The following TES variants were observed in gnomAD, a reference collection of about 807,000 sequenced individuals.
TES encodes testin.
In TES, 41 loss-of-function variants were observed where a neutral mutation model predicts 48.2. The ratio of observed to expected loss-of-function variants is 0.85; its 90% CI spans 0.66 to 1.10. TES has a LOEUF of 1.10. Among genes scored for constraint, TES ranks in the 50% least tolerant of loss-of-function variants. TES has a pLI of 0.00. For missense variants in TES, 463 were observed against 515.1 expected (o/e 0.90, Z 0.98); for synonymous variants, 162 against 174.9 (o/e 0.93, Z 0.58).
rs1451532688 is a variant in TES at position 116,251,778 on chromosome 7, CTG to C, written c.722_723del (p.Leu241GlnfsTer6). 1.2e-6 allele frequency: 2 copies of C among 1,613,914 alleles called. No individual in the cohort carries two copies. The highest frequency in any genetic ancestry group is 1.3e-5 in the African/African-American group (1 of 74,868). ...CTTTCAGTCCTGCTATTGCTGCAAACTGAGTATGAAAGAAGGTGACCCAGCCA... is the reference window on the plus strand; with the variant it reads ...CTTTCAGTCCTGCTATTGCTGCAAACAGTATGAAAGAAGGTGACCCAGCCA... ...RTQYSCYCCK[L>X]SMKEGDPAIY... On this transcript the variant is annotated frameshift_variant, in exon 5 of 7. Coordinates refer to ENST00000358204, the MANE Select transcript of TES (RefSeq NM_015641.4). LOFTEE classifies it high-confidence loss of function.
At chr7:116,221,348 G>T in intron 1 of TES, among the ~76,000 whole-genome samples, 1 of 152,238 alleles carries the variant, frequency 6.6e-6, no homozygotes, top group South Asian at 2.1e-4. Flanking sequence ...TTGTGGTCCC[G>T]TATAGGGAAT....
At chr7:116,234,910 G>T (rs994561298) in intron 2 of TES, among the ~76,000 whole-genome samples, 1 of 152,148 alleles carries the variant, frequency 6.6e-6, no homozygotes, top group Non-Finnish European at 1.5e-5. Flanking sequence ...TGGTAAATAA[G>T]TTTGTGGTAA....
intron 6 of TES, chr7:116,255,048 C>T (rs1295409506): frequency 6.7e-6 from 1 of 150,300 alleles, no homozygotes; most frequent in Non-Finnish European, 1.5e-5. Context: ...AAGTGCTCAA[C>T]TCCAAACAAC....
chr7:116,235,824 GTAAAT>G (rs781436109), intron 2 of TES, among the ~76,000 whole-genome samples: 8 of 152,180 alleles, frequency 5.3e-5, no homozygotes, highest in Non-Finnish European at 8.8e-5. Flanking sequence ...TGTGTACAGT[GTAAAT>G]TAAAGGAGAA....
At chr7:116,236,531 TA>T (rs1005046764) in intron 2 of TES, among the ~76,000 whole-genome samples, 1 of 152,048 alleles carries the variant, frequency 6.6e-6, no homozygotes, top group South Asian at 2.1e-4. Context: ...TTCCAAAATT[TA>T]AAAAAAATTT....
At chr7:116,216,025 T>C (rs958566062) in intron 1 of TES, among the ~76,000 whole-genome samples, 11 of 152,140 alleles carry the variant, frequency 7.2e-5, no homozygotes, top group African/African-American at 2.7e-4. Context: ...TTCATGAGGC[T>C]CTCATGGAGC....
At chr7:116,227,453 T>C (rs1253685543) in intron 1 of TES, among the ~76,000 whole-genome samples, 1 of 152,100 alleles carries the variant, frequency 6.6e-6, no homozygotes, top group Non-Finnish European at 1.5e-5. Flanking sequence ...GCAAATCTTG[T>C]TAGAGATTTG....
At chr7:116,213,567 T>C (rs1024158924) in intron 1 of TES, among the ~76,000 whole-genome samples, 1 of 152,210 alleles carries the variant, frequency 6.6e-6, no homozygotes, top group Non-Finnish European at 1.5e-5. Flanking sequence ...GGAAAGCTCG[T>C]CCACATCAGT....
chr7:116,240,973 C>T (rs1584622486), intron 2 of TES, among the ~76,000 whole-genome samples: 1 of 152,256 alleles, frequency 6.6e-6, no homozygotes, highest in South Asian at 2.1e-4. Context: ...CTCACCCATA[C>T]TCTGTTTGTG....
chr7:116,249,319 A>G (rs755989608), intron 3 of TES, 47 bp downstream of exon 3: 6 of 1,609,248 alleles, frequency 3.7e-6, no homozygotes, highest in Non-Finnish European at 5.1e-6. Context: ...TTCCTGGAGT[A>G]TTTATTTGGG....
intron 2 of TES, among the ~76,000 whole-genome samples, chr7:116,248,607 T>C (rs1799959603): frequency 6.6e-6 from 1 of 152,218 alleles, no homozygotes; most frequent in African/African-American, 2.4e-5. Flanking sequence ...TATCTGTTCA[T>C]GTCCTTTGCC....
rs555321840 is a variant in TES, at chr7:116,228,383, C to T, written c.28-6151C>T. ...AATCCAAAGGACCTGTTTTCTTGGACGCTGAAGAAGAAAAATTATTCTGTC... is the reference window on the plus strand; with the variant it reads ...AATCCAAAGGACCTGTTTTCTTGGATGCTGAAGAAGAAAAATTATTCTGTC... On this transcript the variant is annotated intron_variant, in intron 1 of 6. Coordinates refer to ENST00000358204, the MANE Select transcript of TES (RefSeq NM_015641.4). Among the ~76,000 whole-genome samples the T allele has an allele frequency of 3.5e-4, 53 of 152,238 alleles. No individual in the cohort carries two copies. In the South Asian group the frequency reaches 0.01, roughly 30 times the overall value.
chr7:116,243,146 T>C (rs1799871346), intron 2 of TES, among the ~76,000 whole-genome samples: 1 of 152,216 alleles, frequency 6.6e-6, no homozygotes, highest in South Asian at 2.1e-4. Context: ...TTTCCTTTTT[T>C]CTAATTTGAG....
intron 1 of TES, among the ~76,000 whole-genome samples, chr7:116,212,096 G>C (rs1321407370): frequency 1.3e-5 from 2 of 152,054 alleles, no homozygotes; most frequent in Non-Finnish European, 2.9e-5. Context: ...CATTTTGCCC[G>C]CTTAGCTTTC....
In TES at chr7:116,215,784, A is replaced by G. The variant is rs185183133; in HGVS notation, c.27+5050A>G. On this transcript the variant is annotated intron_variant, in intron 1 of 6. Coordinates refer to ENST00000358204, the MANE Select transcript of TES (RefSeq NM_015641.4). The stretch of plus-strand genomic sequence containing the variant: ...CTCTGCAGTTGAGAGAAAGCCTTAC[A>G]CATAGCATGAGTAGGCTAAACCTCT... Among the ~76,000 whole-genome samples the G allele has an allele frequency of 1.2e-4, 19 of 152,290 alleles. No individual in the cohort carries two copies. The Middle Eastern group carries it at 0.02, about 164-fold the overall frequency.
At chr7:116,245,298 C>A (rs57186606) in intron 2 of TES, among the ~76,000 whole-genome samples, 18,274 of 152,096 alleles carry the variant, frequency 0.12, 1,101 homozygotes, top group South Asian at 0.19. Flanking sequence ...TTTCTTCCAC[C>A]AGACAACCTA....
intron 2 of TES, chr7:116,238,400 T>C (rs1799800773): frequency 6.6e-6 from 1 of 152,076 alleles, no homozygotes; most frequent in Non-Finnish European, 1.5e-5. Context: ...ATTTTACAGA[T>C]CAAAGACCTA....
chr7:116,218,327 A>C (rs570330651), intron 1 of TES, among the ~76,000 whole-genome samples: 7 of 152,280 alleles, frequency 4.6e-5, no homozygotes, highest in Admixed American at 4.6e-4. Flanking sequence ...TCAGCCCAGC[A>C]GAAATGCCTT....
At chr7:116,247,039 A>G (rs1799936622) in intron 2 of TES, among the ~76,000 whole-genome samples, 1 of 150,838 alleles carries the variant, frequency 6.6e-6, no homozygotes, top group Non-Finnish European at 1.5e-5. Flanking sequence ...GAATGAATGA[A>G]TGTCTGTGTG....
Sources: gnomAD v4.1 joint callset for allele counts (sites outside exome capture counted in the v4.1 genomes callset) on GRCh38, gnomAD v4.1.1 for gene constraint, MANE v1.5 for transcripts, NCBI Gene and HGNC (gene_info 2026-07-23, HGNC 2026-07-21) for gene names.